ZC3H4: variants seen among roughly 807,000 people sequenced by gnomAD.
The protein encoded by ZC3H4 is zinc finger CCCH-type containing 4, also known as zinc finger CCCH domain-containing protein 4.
ZC3H4 carries 13 observed loss-of-function variants against 108.3 expected under a neutral mutation model. That is an observed-to-expected ratio of 0.12 (90% CI 0.08 to 0.19). The LOEUF (loss-of-function observed/expected upper bound fraction) is 0.19. ZC3H4 is among the 10% of genes least tolerant of loss of function. The pLI is 1.00. For missense variants in ZC3H4, 1,734 were observed against 1,838.8 expected (o/e 0.94, Z 1.04); for synonymous variants, 917 against 749.6 (o/e 1.22, Z -3.65).
Position 47,072,529 on chromosome 19 carries a change from G to C in ZC3H4, c.1625C>G (p.Pro542Arg). 2.2e-6 allele frequency: 3 copies of C among 1,382,524 alleles called. No individual in the cohort carries two copies. The highest frequency in any genetic ancestry group is 3.0e-5 in the African/African-American group (2 of 67,714). 85.6% of individuals were successfully genotyped at this position (1,382,524 alleles called of 1,614,324 possible). A position where few individuals can be genotyped will look rare whatever the true frequency, so the allele number is the denominator to read the frequency against. ...PNGRPMQGGP[P>R]PPPPPPPPPP... ...TGGGGGAGGGGGAGGGGGCGGGGGC[G>C]GGGGGCCACCCTGCATGGGCCTGCC... The change falls in exon 12 of 15, where the codon CCG (proline) becomes CGG (arginine). Residue 542 changes from proline to arginine, a missense_variant. Physicochemically the swap from Pro to Arg is moderately radical, Grantham distance 103. This residue lies in a region of ZC3H4 where 75 missense variants were observed against 85.8 expected (regional missense o/e 0.87). Transcript: ENST00000253048. This position sits in a 1 kb window ranked among gnomAD's most constrained non-coding sequence, Gnocchi z 5.6.
chr19:47,109,451 T>C (rs916192849), intron 2 of ZC3H4, among the ~76,000 whole-genome samples: 4 of 152,232 alleles, frequency 2.6e-5, no homozygotes, highest in African/African-American at 4.8e-5. Context: ...TCATCAGTCA[T>C]CCAGTTTCTG....
intron 2 of ZC3H4, among the ~76,000 whole-genome samples, chr19:47,108,128 G>A (rs1031209006): frequency 6.6e-6 from 1 of 152,154 alleles, no homozygotes; most frequent in African/African-American, 2.4e-5. Context: ...CCAATTGCCA[G>A]AAATCTCAGG....
At position 47,105,088 on chromosome 19, in the gene ZC3H4, C is replaced by CA. The variant is rs142530635; in HGVS notation, c.161+7335dup. On this transcript the variant is annotated intron_variant, in intron 2 of 14. Transcript: ENST00000253048. ...CACAGTGGACTGAGGAAACAGTTAA[C>CA]ACCCCCACCCTCTCGAGGGCCAACT... 2.0e-5 allele frequency among the ~76,000 whole-genome samples: 3 copies of CA among 152,320 alleles called. No homozygotes were observed. In the East Asian group the frequency reaches 5.8e-4, roughly 29 times the overall value.
In ZC3H4 at chr19:47,110,824, T is replaced by C. The variant is rs914972715; in HGVS notation, c.161+1600A>G. 7 of 819,778 alleles carry C rather than the reference T, an allele frequency of 8.5e-6. No homozygotes were observed. The African/African-American group carries it at 1.1e-4, about 13-fold the overall frequency. 50.8% of individuals were successfully genotyped at this position (819,778 alleles called of 1,614,324 possible). ...TCCTTGAACTGGAGTCGGGCTGCGATGGGCTGCGATTCCCAGGACGATACA... is the reference window on the plus strand; with the variant it reads ...TCCTTGAACTGGAGTCGGGCTGCGACGGGCTGCGATTCCCAGGACGATACA... On this transcript the variant is annotated intron_variant, in intron 2 of 14. Coordinates refer to ENST00000253048, the MANE Select transcript of ZC3H4 (RefSeq NM_015168.2).
intron 11 of ZC3H4, among the ~76,000 whole-genome samples, chr19:47,076,060 G>A (rs2057412110): frequency 6.6e-6 from 1 of 152,246 alleles, no homozygotes; most frequent in Non-Finnish European, 1.5e-5. Context: ...CACTTGTAGA[G>A]GTGCAGAGGC....
rs114122255 is a variant in ZC3H4 at position 47,074,898 on chromosome 19, C to T, written c.1441-2185G>A. Among the ~76,000 whole-genome samples the T allele has an allele frequency of 5.4e-3, 817 of 152,274 alleles. 14 individuals are homozygous for T. The highest frequency in any genetic ancestry group is 0.019 in the African/African-American group (795 of 41,546). On this transcript the variant is annotated intron_variant, in intron 11 of 14. Coordinates refer to ENST00000253048, the MANE Select transcript of ZC3H4 (RefSeq NM_015168.2). ...GCTGAGTTTGCCTGTGTCCCTTCAC[C>T]GCAGTTAACATCTTGGCCGTGAGTC...
intron 8 of ZC3H4, 151 bp downstream of exon 8, chr19:47,084,905 T>C (rs2057588607): frequency 2.0e-6 from 2 of 1,020,530 alleles, no homozygotes; most frequent in Middle Eastern, 2.2e-4. Flanking sequence ...ATAACTCTAG[T>C]TGTCGCTGGT....
In ZC3H4 at chr19:47,067,063, T is replaced by C; in HGVS notation, c.3205A>G (p.Ser1069Gly). ...SAAPGSSDKP[S>G]DPRVRKAPTD... ...GGGGCCTTCCGCACCCGGGGGTCAC[T>C]GGGTTTGTCGCTGGAACCGGGGGCG... Residue 1069 changes from serine to glycine, a missense_variant, in exon 15 of 15, where the codon AGT (serine) becomes GGT (glycine). By Grantham distance (56) the Ser-to-Gly change is moderately conservative (BLOSUM62 0). Coordinates refer to ENST00000253048, the MANE Select transcript of ZC3H4 (RefSeq NM_015168.2). The surrounding 1 kb of genome is among the most constrained non-coding windows in gnomAD (Gnocchi z 6.4). 3 of 1,608,812 alleles carry C rather than the reference T, an allele frequency of 1.9e-6. No homozygotes were observed. Among genetic ancestry groups the C allele is most frequent in the Non-Finnish European group, 2.5e-6 (3 of 1,177,716 alleles).
At position 47,069,143 on chromosome 19, in the gene ZC3H4, T is replaced by G. The variant is rs1175884295; in HGVS notation, c.2347A>C (p.Arg783=). The G allele has an allele frequency of 6.2e-7, 1 of 1,606,674 alleles. No homozygotes were observed. The highest frequency in any genetic ancestry group is 1.7e-5 in the Admixed American group (1 of 60,002). Residue 783 remains arginine, a synonymous_variant, in exon 14 of 15, where the codon AGA becomes CGA. Transcript: ENST00000253048. ...IQQKQQEEEE[R]ARRLAESSKQ... ...CTGCTCTCAGCCAGCCTCCTCGCTC[T>G]CTCCTCCTCCTCCTGCTGCTTCTGC...
chr19:47,086,495 A>G lies in ZC3H4; in HGVS notation c.759T>C (p.Arg253=). The change falls in exon 6 of 15, where the codon CGT becomes CGC. Residue 253 remains arginine (R), a synonymous_variant. Coordinates refer to ENST00000253048, the MANE Select transcript of ZC3H4 (RefSeq NM_015168.2). ...RGRGYRGRGS[R]GGSRGRGMGR... ...CCATGCCGCGGCCTCGCGATCCTCC[A>G]CGGCTTCCTCGGCCCCTGTAGCCCC... 1 of 1,607,470 alleles carries G rather than the reference A, an allele frequency of 6.2e-7. No homozygotes were observed. Among genetic ancestry groups the G allele is most frequent in the Non-Finnish European group, 8.5e-7 (1 of 1,178,986 alleles).
intron 2 of ZC3H4, among the ~76,000 whole-genome samples, chr19:47,096,527 G>A (rs1317931950): frequency 2.0e-5 from 3 of 152,332 alleles, no homozygotes; most frequent in South Asian, 2.1e-4. Context: ...ACTGCCCGCC[G>A]CCAGGAGCTG....
At chr19:47,089,795 A>C (rs2057698657) in intron 5 of ZC3H4, among the ~76,000 whole-genome samples, 172 bp downstream of exon 5, 1 of 152,182 alleles carries the variant, frequency 6.6e-6, no homozygotes, top group South Asian at 2.1e-4. Context: ...ACCACAGCCC[A>C]GCGGGTGATC....
intron 11 of ZC3H4, among the ~76,000 whole-genome samples, chr19:47,077,035 C>T (rs1202287939): frequency 6.6e-6 from 1 of 151,922 alleles, no homozygotes; most frequent in East Asian, 1.9e-4. Flanking sequence ...GATGTGGTGG[C>T]GGGCCTCTGT....
chr19:47,074,924 C>T (rs992774303), intron 11 of ZC3H4, among the ~76,000 whole-genome samples: 1 of 152,152 alleles, frequency 6.6e-6, no homozygotes, highest in Non-Finnish European at 1.5e-5. Flanking sequence ...GCCGTGAGTC[C>T]CCCAGCAAGT....
At position 47,066,080 on chromosome 19, in the gene ZC3H4, G is replaced by A. The variant is rs1181539516; in HGVS notation, c.*276C>T. On this transcript the variant is annotated 3_prime_UTR_variant, in exon 15 of 15. Coordinates refer to ENST00000253048, the MANE Select transcript of ZC3H4 (RefSeq NM_015168.2). ...CCACAGAGTCTGAGGCCAGGCACTG[G>A]CGAAAGTTCACAGGTTTGCGGGCAT... is the stretch of plus-strand genomic sequence containing the variant. The A allele has an allele frequency of 6.3e-6, 2 of 315,284 alleles. No individual in the cohort carries two copies. Among genetic ancestry groups the A allele is most frequent in the East Asian group, 5.2e-5 (1 of 19,062 alleles). The allele number at this position is 315,284 out of a possible 1,614,324, so 19.5% of individuals were successfully genotyped here.
rs1251084241 is a variant in ZC3H4 at position 47,067,954 on chromosome 19, C to T, written c.2399-85G>A. ...GGATCCCACAGCAGCCCACCGTGAG[C>T]AGCTCCTTTGCTTGTGCCTCTCAGA... On this transcript the variant is annotated intron_variant, in intron 14 of 14. Transcript: ENST00000253048. This position sits in a 1 kb window ranked among gnomAD's most constrained non-coding sequence, Gnocchi z 6.4. 6.8e-6 allele frequency: 9 copies of T among 1,330,992 alleles called. No homozygotes were observed. The highest frequency in any genetic ancestry group is 9.3e-6 in the Non-Finnish European group (9 of 967,008). The allele number at this position is 1,330,992 out of a possible 1,614,324, so 82.4% of individuals were successfully genotyped here. A position where few individuals can be genotyped will look rare whatever the true frequency, so the allele number is the denominator to read the frequency against.
At chr19:47,094,279 G>A in intron 3 of ZC3H4, 110 bp downstream of exon 3, 1 of 1,268,592 alleles carries the variant, frequency 7.9e-7, no homozygotes, top group South Asian at 1.3e-5. Context: ...TTTGAGATAA[G>A]CAAAGGCATT....
At chr19:47,107,281 A>T (rs954856991) in intron 2 of ZC3H4, among the ~76,000 whole-genome samples, 2 of 152,176 alleles carry the variant, frequency 1.3e-5, no homozygotes, top group Non-Finnish European at 2.9e-5. Context: ...TCTGTTTCAA[A>T]TTCTTCTCTA....
intron 11 of ZC3H4, among the ~76,000 whole-genome samples, chr19:47,079,564 CT>C (rs10718043): frequency 0.044 from 6,710 of 152,058 alleles, 468 homozygotes; most frequent in African/African-American, 0.15. Context: ...ACTGCTTCCC[CT>C]GTCAAACAGC....
Sources: allele counts gnomAD v4.1 joint callset (sites outside exome capture counted in the v4.1 genomes callset), GRCh38; gene constraint gnomAD v4.1.1; regional missense constraint gnomAD v4.1.1; non-coding constraint Gnocchi (gnomAD v3.1); transcripts MANE v1.5; gene names NCBI Gene and HGNC (gene_info 2026-07-23, HGNC 2026-07-21).